The following SGIP1 variants were observed in gnomAD, a reference collection of about 807,000 sequenced individuals.
The protein encoded by SGIP1 is SH3GL interacting endocytic adaptor 1.
Under a neutral mutation model 107.5 loss-of-function variants are expected in SGIP1, and 38 were observed. The observed-to-expected ratio is 0.35, with a 90% CI of 0.27 to 0.46. The LOEUF is 0.46. Among genes scored for constraint, SGIP1 ranks in the 20% least tolerant of loss-of-function variants. The probability of loss-of-function intolerance (pLI) is 1.00; values close to 1 mark genes in which losing one functional copy is unlikely to be tolerated. For missense variants in SGIP1, 929 were observed against 1,019.5 expected, an observed-to-expected ratio of 0.91 and a Z score of 1.21; for synonymous variants, 365 against 366.1, an observed-to-expected ratio of 1.00 and a Z score of 0.03.
At chr1:66,738,490 T>C (rs979641051) in intron 21 of SGIP1, among the ~76,000 whole-genome samples, 3 of 152,222 alleles carry the variant, frequency 2.0e-5, no homozygotes, top group Non-Finnish European at 4.4e-5. Flanking sequence ...TCCAACACTG[T>C]GAATTTTTCA....
intron 11 of SGIP1, among the ~76,000 whole-genome samples, chr1:66,672,974 A>G (rs1041013480): frequency 4.6e-5 from 7 of 152,194 alleles, no homozygotes; most frequent in Admixed American, 3.3e-4. Context: ...TATCTCTTCT[A>G]GGTATAGAAA....
intron 1 of SGIP1, among the ~76,000 whole-genome samples, chr1:66,537,827 G>A (rs2053991170): frequency 6.6e-6 from 1 of 151,880 alleles, no homozygotes; most frequent in African/African-American, 2.4e-5. Flanking sequence ...TAAAAATAAT[G>A]CATTGAGGCA....
chr1:66,719,455 G>A, intron 19 of SGIP1, 50 bp downstream of exon 19: 1 of 1,436,220 alleles, frequency 7.0e-7, no homozygotes, highest in Non-Finnish European at 9.6e-7. Flanking sequence ...GTCCTATTGA[G>A]TGTGGAACAG....
intron 1 of SGIP1, among the ~76,000 whole-genome samples, chr1:66,622,481 G>C (rs1312539840): frequency 2.6e-5 from 4 of 152,108 alleles, no homozygotes; most frequent in Admixed American, 2.6e-4. Flanking sequence ...GTAAGACATT[G>C]ATGATATTTG....
intron 12 of SGIP1, 98 bp downstream of exon 12, chr1:66,673,464 A>T: frequency 9.0e-7 from 1 of 1,110,100 alleles, no homozygotes; most frequent in Admixed American, 2.9e-5. Context: ...TATATTTTTA[A>T]TATATTATTT....
Position 66,672,117 on chromosome 1 carries a change from A to G in SGIP1, c.560+122A>G, listed in dbSNP as rs369245568. The G allele has an allele frequency of 1.1e-5, 9 of 835,572 alleles. 1 individual carries two copies. Among genetic ancestry groups the G allele is most frequent in the South Asian group, 7.7e-5 (5 of 65,272 alleles). 51.8% of individuals were successfully genotyped at this position (835,572 alleles called of 1,614,324 possible). On this transcript the variant is annotated intron_variant, in intron 11 of 24. Transcript: ENST00000371037. ...AACAAAGGCTCTACCAAAACATGTC[A>G]GTCCATATGTCCACAGCATGGTCCA...
chr1:66,598,594 A>T (rs6687663), intron 1 of SGIP1, among the ~76,000 whole-genome samples: 5,664 of 152,238 alleles, frequency 0.037, 364 homozygotes, highest in African/African-American at 0.13. Flanking sequence ...CTTCTGGGGA[A>T]GCCTCAGAAA....
chr1:66,651,186 G>A (rs1189882672), intron 7 of SGIP1, among the ~76,000 whole-genome samples: 1 of 152,150 alleles, frequency 6.6e-6, no homozygotes, highest in Admixed American at 6.5e-5. Context: ...CATCCTTTAA[G>A]CTCATTGATG....
At chr1:66,589,163 CATATATATATATATATAT>C (rs55788345) in intron 1 of SGIP1, among the ~76,000 whole-genome samples, 1,464 of 69,792 alleles carry the variant, frequency 0.021, 44 homozygotes, top group African/African-American at 0.037. Flanking sequence ...TAAAAGTTTA[CATATATATATATATATAT>C]ATATATATAT....
intron 1 of SGIP1, among the ~76,000 whole-genome samples, chr1:66,602,605 C>T (rs896370882): frequency 5.1e-4 from 78 of 151,924 alleles, no homozygotes; most frequent in African/African-American, 1.8e-3. Context: ...CAAACCTGCA[C>T]GTTGTGCACA....
chr1:66,606,390 A>G (rs762498705), intron 1 of SGIP1, among the ~76,000 whole-genome samples: 1 of 152,130 alleles, frequency 6.6e-6, no homozygotes, highest in African/African-American at 2.4e-5. Flanking sequence ...CTTTATTTCT[A>G]TTTCTGCTTC....
chr1:66,699,213 T>C (rs765533780), intron 18 of SGIP1, among the ~76,000 whole-genome samples: 33 of 152,286 alleles, frequency 2.2e-4, no homozygotes, highest in Non-Finnish European at 4.0e-4. Flanking sequence ...TTCAGTCTTC[T>C]GTGGATCGTT....
chr1:66,551,621 A>C (rs1027178445), intron 1 of SGIP1, among the ~76,000 whole-genome samples: 4 of 152,314 alleles, frequency 2.6e-5, no homozygotes, highest in African/African-American at 9.6e-5. Context: ...GAAATATGTA[A>C]AAACATGCCA....
Position 66,742,773 on chromosome 1 carries a change from A to G in SGIP1, c.2465-300A>G, listed in dbSNP as rs180820298. Among the ~76,000 whole-genome samples the G allele has an allele frequency of 2.6e-5, 4 of 152,152 alleles. No homozygotes were observed. The East Asian group carries it at 7.7e-4, about 29-fold the overall frequency. ...CGTGAGCCACCGCGCCCGGCCTATG[A>G]GCACCCTTTCTAACATAAGTTGGAT... On this transcript the variant is annotated intron_variant, in intron 24 of 24. Coordinates refer to ENST00000371037, the MANE Select transcript of SGIP1 (RefSeq NM_032291.4).
At chr1:66,720,443 G>A (rs1041553458) in intron 19 of SGIP1, among the ~76,000 whole-genome samples, 1 of 152,126 alleles carries the variant, frequency 6.6e-6, no homozygotes, top group African/African-American at 2.4e-5. Flanking sequence ...AATAAGAACT[G>A]GAGACTAGGC....
At chr1:66,711,123 A>G (rs2092888353) in intron 18 of SGIP1, among the ~76,000 whole-genome samples, 1 of 152,182 alleles carries the variant, frequency 6.6e-6, no homozygotes, top group African/African-American at 2.4e-5. Context: ...ATATCCTTTC[A>G]CAACTTTAGT....
intron 18 of SGIP1, among the ~76,000 whole-genome samples, chr1:66,697,703 C>A (rs113267216): frequency 0.013 from 1,947 of 152,196 alleles, 42 homozygotes; most frequent in African/African-American, 0.044. Flanking sequence ...ACGCTAGACT[C>A]GGGTATTTTT....
intron 9 of SGIP1, among the ~76,000 whole-genome samples, chr1:66,670,056 G>A (rs1385500126): frequency 6.6e-6 from 1 of 152,114 alleles, no homozygotes; most frequent in Non-Finnish European, 1.5e-5. Context: ...TCAGCTTTTG[G>A]AATGCTTTCT....
intron 4 of SGIP1, 32 bp from the exon 5 acceptor site, chr1:66,639,745 T>C (rs1249654114): frequency 1.9e-6 from 3 of 1,540,670 alleles, no homozygotes; most frequent in Non-Finnish European, 2.7e-6. Flanking sequence ...TCAAATGTTT[T>C]CCTTCTAAAT....
Sources: allele counts gnomAD v4.1 joint callset (sites outside exome capture counted in the v4.1 genomes callset), GRCh38; gene constraint gnomAD v4.1.1; transcripts MANE v1.5; gene names NCBI Gene and HGNC (gene_info 2026-07-23, HGNC 2026-07-21).